Variants in ABL1 observed in about 807,000 individuals in gnomAD.
ABL1 encodes ABL proto-oncogene 1, non-receptor tyrosine kinase.
In ABL1, 11 loss-of-function variants were observed where a neutral mutation model predicts 94.7. That is an observed-to-expected ratio of 0.12 (90% CI 0.07 to 0.19). ABL1 has a LOEUF of 0.19. ABL1 is among the 10% of genes least tolerant of loss of function. The pLI, the probability that ABL1 is intolerant of heterozygous loss-of-function variation, is 1.00. For synonymous variants in ABL1, 656 were observed against 622.4 expected (o/e 1.05, Z -0.80); for missense variants, 1,082 against 1,489.4 (o/e 0.73, Z 4.50).
At chr9:130,874,178 C>T (rs1434046110) in intron 6 of ABL1, among the ~76,000 whole-genome samples, 2 of 152,312 alleles carry the variant, frequency 1.3e-5, no homozygotes, top group Middle Eastern at 3.4e-3. Flanking sequence ...CCGCTCTTCC[C>T]GTTTGCCTTG....
chr9:130,786,402 A>G (rs1039016665), intron 1 of ABL1, among the ~76,000 whole-genome samples: 1 of 152,208 alleles, frequency 6.6e-6, no homozygotes, highest in African/African-American at 2.4e-5. Flanking sequence ...TGACCCTGTG[A>G]TTAGACTAAT....
intron 1 of ABL1, among the ~76,000 whole-genome samples, chr9:130,829,551 C>G: frequency 7.8e-6 from 1 of 128,576 alleles, no homozygotes; most frequent in Non-Finnish European, 1.5e-5. Flanking sequence ...GGTGACAGAG[C>G]GAGACTACGT....
chr9:130,863,085 G>T lies in ABL1; in HGVS notation c.822+50G>T. ...CCAGGGTACGTGGGGCAAGGCGTCT[G>T]CTGGCATTAGGCGATGCATCTGCCT... On this transcript the variant is annotated intron_variant, in intron 4 of 10. Transcript: ENST00000318560. This position sits in a 1 kb window ranked among gnomAD's most constrained non-coding sequence, Gnocchi z 4.3. 1.3e-6 allele frequency: 2 copies of T among 1,528,194 alleles called. No homozygotes were observed. The highest frequency in any genetic ancestry group is 1.8e-6 in the Non-Finnish European group (2 of 1,134,456). The allele number at this position is 1,528,194 out of a possible 1,614,324, so 94.7% of individuals were successfully genotyped here. A position where few individuals can be genotyped will look rare whatever the true frequency, so the allele number is the denominator to read the frequency against.
chr9:130,864,617 C>G (rs1831126291), intron 4 of ABL1, among the ~76,000 whole-genome samples: 1 of 152,150 alleles, frequency 6.6e-6, no homozygotes, highest in Non-Finnish European at 1.5e-5. Context: ...GGGCTCAACA[C>G]TGGATTAGAA....
intron 1 of ABL1, among the ~76,000 whole-genome samples, chr9:130,774,256 T>G (rs1832286923): frequency 1.3e-5 from 2 of 152,340 alleles, no homozygotes. Context: ...TACTTTTATT[T>G]TTTGCCTTTT....
Position 130,885,398 on chromosome 9 carries a change from C to G in ABL1, c.3108C>G (p.Thr1036=), listed in dbSNP as rs754570061. 1.5e-5 allele frequency: 25 copies of G among 1,613,490 alleles called. No individual in the cohort carries two copies. The highest frequency in any genetic ancestry group is 1.9e-5 in the Non-Finnish European group (22 of 1,180,054). ...CCAAGGGCGTGGTCCTGGACAGCAC[C>G]GAGGCGCTGTGCCTCGCCATCTCTA... ...AITKGVVLDS[T]EALCLAISRN... Residue 1036 remains threonine, a synonymous_variant, in exon 11 of 11, where the codon ACC becomes ACG. Transcript: ENST00000318560.
chr9:130,845,435 G>A (rs190429867), intron 1 of ABL1, among the ~76,000 whole-genome samples: 9 of 151,902 alleles, frequency 5.9e-5, no homozygotes, highest in African/African-American at 1.9e-4. Context: ...TCCACCTTCC[G>A]GGTTCAAGCG....
At chr9:130,874,338 A>T (rs1452741214) in intron 6 of ABL1, among the ~76,000 whole-genome samples, 1 of 152,206 alleles carries the variant, frequency 6.6e-6, no homozygotes, top group Non-Finnish European at 1.5e-5. Context: ...TAGGAAACAC[A>T]GTTTGGGTAA....
At position 130,885,848 on chromosome 9, in the gene ABL1, C is replaced by T. The variant is rs1831572357; in HGVS notation, c.*165C>T. On this transcript the variant is annotated 3_prime_UTR_variant, in exon 11 of 11. Transcript: ENST00000318560. ...GGCCCTGTGGAGTCCAGCTCTACTA[C>T]CTACGTTTGCACCGCCTGCCCTCCC... 2.2e-6 allele frequency: 2 copies of T among 913,914 alleles called. No individual in the cohort carries two copies. Among genetic ancestry groups the T allele is most frequent in the East Asian group, 5.4e-5 (2 of 37,234 alleles). 56.6% of individuals were successfully genotyped at this position (913,914 alleles called of 1,614,324 possible).
chr9:130,818,010 C>A (rs1327871123), intron 1 of ABL1, among the ~76,000 whole-genome samples: 1 of 152,154 alleles, frequency 6.6e-6, no homozygotes, highest in Non-Finnish European at 1.5e-5. Context: ...ACTTAGGAGA[C>A]CCTGCCACAG....
At chr9:130,841,672 C>A (rs182876936) in intron 1 of ABL1, among the ~76,000 whole-genome samples, 2 of 151,766 alleles carry the variant, frequency 1.3e-5, no homozygotes, top group South Asian at 2.1e-4. Context: ...ATTAGCCAGG[C>A]GTAGTGGGGA....
intron 1 of ABL1, among the ~76,000 whole-genome samples, chr9:130,816,570 A>G (rs1318879108): frequency 1.3e-5 from 2 of 151,800 alleles, no homozygotes; most frequent in African/African-American, 4.8e-5. Flanking sequence ...CTCTGTCTCA[A>G]ATTCCCTCCA....
At chr9:130,734,052 C>T (rs1489660508) in intron 1 of ABL1, among the ~76,000 whole-genome samples, 1 of 152,118 alleles carries the variant, frequency 6.6e-6, no homozygotes, top group Non-Finnish European at 1.5e-5. Context: ...TGTCTCTTGA[C>T]AGCTTGAGTG....
In ABL1 at chr9:130,885,837, C is replaced by T. The variant is rs753164911; in HGVS notation, c.*154C>T. 1 of 1,006,728 alleles carries T rather than the reference C, an allele frequency of 9.9e-7. No individual in the cohort carries two copies. Among genetic ancestry groups the T allele is most frequent in the Non-Finnish European group, 1.4e-6 (1 of 707,212 alleles). 62.4% of individuals were successfully genotyped at this position (1,006,728 alleles called of 1,614,324 possible). ...GCAGAGCTGAGGGCCCTGTGGAGTC[C>T]AGCTCTACTACCTACGTTTGCACCG... On this transcript the variant is annotated 3_prime_UTR_variant, in exon 11 of 11. Transcript: ENST00000318560.
intron 1 of ABL1, among the ~76,000 whole-genome samples, chr9:130,808,817 C>T (rs998332131): frequency 2.6e-5 from 4 of 152,186 alleles, no homozygotes; most frequent in African/African-American, 9.7e-5. Flanking sequence ...TGTGTCCACA[C>T]ATGATTGGCT....
At chr9:130,773,643 T>C (rs1832279206) in intron 1 of ABL1, among the ~76,000 whole-genome samples, 1 of 150,634 alleles carries the variant, frequency 6.6e-6, no homozygotes, top group African/African-American at 2.4e-5. Flanking sequence ...TTTTTTTTTT[T>C]TTTTTCATTT....
intron 1 of ABL1, among the ~76,000 whole-genome samples, chr9:130,740,919 A>G (rs1440657059): frequency 6.9e-6 from 1 of 145,168 alleles, no homozygotes; most frequent in Admixed American, 7.3e-5. Flanking sequence ...AAAGTATTGG[A>G]ATTACAGGTG....
intron 1 of ABL1, 140 bp from the exon 2 acceptor site, chr9:130,853,924 G>A (rs1564312082): frequency 4.9e-6 from 4 of 823,338 alleles, no homozygotes; most frequent in Non-Finnish European, 7.4e-6. Context: ...AATGATAATA[G>A]TATGTACAGA....
intron 1 of ABL1, among the ~76,000 whole-genome samples, chr9:130,824,643 G>A (rs1830402564): frequency 6.6e-6 from 1 of 152,128 alleles, no homozygotes. Context: ...CTCGTAGGAG[G>A]GGTGGTAAAC....
Sources: gnomAD v4.1 joint callset for allele counts (sites outside exome capture counted in the v4.1 genomes callset) on GRCh38, gnomAD v4.1.1 for gene constraint, Gnocchi (gnomAD v3.1) non-coding constraint, MANE v1.5 for transcripts, NCBI Gene and HGNC (gene_info 2026-07-23, HGNC 2026-07-21) for gene names.